The following ADAMTSL1 variants were observed in gnomAD, a reference collection of about 807,000 sequenced individuals.
ADAMTSL1 encodes ADAMTS-like protein 1.
Under a neutral mutation model 201.8 loss-of-function variants are expected in ADAMTSL1, and 126 were observed. The observed-to-expected ratio is 0.62, with a 90% confidence interval of 0.54 to 0.72. The LOEUF (loss-of-function observed/expected upper bound fraction) is 0.72, where lower values mean the gene tolerates loss of function less well. Among genes scored for constraint, ADAMTSL1 ranks in the 30% least tolerant of loss-of-function variants. ADAMTSL1 has a pLI of 0.00. For synonymous variants in ADAMTSL1, 1,121 were observed against 903.4 expected (o/e 1.24, Z -4.32); for missense variants, 2,679 against 2,277.8 (o/e 1.18, Z -3.59).
intron 1 of ADAMTSL1, among the ~76,000 whole-genome samples, chr9:18,479,164 A>G (rs1821604167): frequency 6.6e-6 from 1 of 152,210 alleles, no homozygotes; most frequent in Non-Finnish European, 1.5e-5. Context: ...GAACTTCAAG[A>G]TTAAAACCTA....
At chr9:18,491,757 G>A (rs1276544428) in intron 1 of ADAMTSL1, among the ~76,000 whole-genome samples, 1 of 152,116 alleles carries the variant, frequency 6.6e-6, no homozygotes, top group Non-Finnish European at 1.5e-5. Flanking sequence ...TATTTCTGTT[G>A]ACTGGAAGAT....
intron 2 of ADAMTSL1, among the ~76,000 whole-genome samples, chr9:18,178,178 G>A (rs373417155): frequency 5.8e-4 from 88 of 152,322 alleles, no homozygotes; most frequent in African/African-American, 1.1e-3. Flanking sequence ...CGCACTGTGC[G>A]CGAGCCGAAG....
intron 1 of ADAMTSL1, among the ~76,000 whole-genome samples, chr9:17,953,263 T>C (rs1406916595): frequency 6.6e-6 from 1 of 152,198 alleles, no homozygotes; most frequent in Non-Finnish European, 1.5e-5. Context: ...TTATGCCTGG[T>C]GGATAGGCTA....
intron 1 of ADAMTSL1, among the ~76,000 whole-genome samples, chr9:18,026,654 G>T (rs1820708835): frequency 6.6e-6 from 1 of 151,952 alleles, no homozygotes; most frequent in South Asian, 2.1e-4. Context: ...AGGTATATTG[G>T]CCTGAAGTTT....
chr9:18,288,942 T>C (rs1362723172), intron 2 of ADAMTSL1, among the ~76,000 whole-genome samples: 2 of 152,254 alleles, frequency 1.3e-5, no homozygotes, highest in East Asian at 3.8e-4. Context: ...GTGAGTTCCT[T>C]AGTCTTTCTA....
intron 21 of ADAMTSL1, among the ~76,000 whole-genome samples, chr9:18,818,204 A>G (rs1001235627): frequency 6.6e-6 from 1 of 152,232 alleles, no homozygotes; most frequent in African/African-American, 2.4e-5. Context: ...CCATTGGGCA[A>G]CTAGTCTTCT....
intron 10 of ADAMTSL1, among the ~76,000 whole-genome samples, chr9:18,679,946 C>T (rs1830358714): frequency 6.6e-6 from 1 of 152,136 alleles, no homozygotes; most frequent in Non-Finnish European, 1.5e-5. Context: ...GAGATGGATA[C>T]TTAATGAGTT....
In ADAMTSL1 at chr9:18,286,130, C is replaced by G. The variant is rs571234969; in HGVS notation, c.207+122149C>G. Among the ~76,000 whole-genome samples, 4 of 152,232 alleles carry G rather than the reference C, an allele frequency of 2.6e-5. No individual in the cohort carries two copies. In the East Asian group the frequency reaches 5.8e-4, roughly 22 times the overall value. On this transcript the variant is annotated intron_variant, in intron 2 of 29. Transcript: ENST00000680146. ...AAAGCATCATTTCTGTGTTGGAGGA[C>G]AGTACTCAAATCAACCTTGTGGGCC...
intron 13 of ADAMTSL1, among the ~76,000 whole-genome samples, chr9:18,692,034 GAAC>G (rs1363783317): frequency 6.6e-6 from 1 of 152,098 alleles, no homozygotes; most frequent in Non-Finnish European, 1.5e-5. Flanking sequence ...ATTTGAGAGA[GAAC>G]AACAATATTT....
intron 1 of ADAMTSL1, among the ~76,000 whole-genome samples, chr9:17,925,951 A>G (rs1482099082): frequency 6.6e-6 from 1 of 152,116 alleles, no homozygotes; most frequent in Non-Finnish European, 1.5e-5. Context: ...CCCCAAGCGC[A>G]ATGTAGCAAT....
chr9:18,540,072 A>C (rs1465615454), intron 3 of ADAMTSL1, among the ~76,000 whole-genome samples: 2 of 152,202 alleles, frequency 1.3e-5, no homozygotes, highest in African/African-American at 4.8e-5. Flanking sequence ...TTAAAAGATG[A>C]AAGGGATTTT....
chr9:18,509,559 C>A (rs1051723841), intron 2 of ADAMTSL1, among the ~76,000 whole-genome samples: 2 of 152,174 alleles, frequency 1.3e-5, no homozygotes, highest in African/African-American at 4.8e-5. Context: ...CTGATCTAGA[C>A]TGGCTTCATC....
At chr9:18,698,360 T>A (rs1343849030) in intron 13 of ADAMTSL1, among the ~76,000 whole-genome samples, 1 of 152,128 alleles carries the variant, frequency 6.6e-6, no homozygotes, top group East Asian at 1.9e-4. Flanking sequence ...CTCGGCTCAC[T>A]GCAACCTCCA....
chr9:18,569,287 AG>A (rs1300075331), intron 3 of ADAMTSL1, among the ~76,000 whole-genome samples: 1 of 152,220 alleles, frequency 6.6e-6, no homozygotes, highest in Non-Finnish European at 1.5e-5. Flanking sequence ...AGCAAATAAA[AG>A]GTCAGCTTTT....
intron 2 of ADAMTSL1, among the ~76,000 whole-genome samples, chr9:18,226,633 C>T (rs753006698): frequency 1.3e-5 from 2 of 152,138 alleles, no homozygotes; most frequent in Non-Finnish European, 2.9e-5. Context: ...CACCTGCCCT[C>T]TCTTTACCTT....
intron 1 of ADAMTSL1, among the ~76,000 whole-genome samples, chr9:17,966,897 C>G (rs1817998451): frequency 6.6e-6 from 1 of 151,930 alleles, no homozygotes; most frequent in Non-Finnish European, 1.5e-5. Context: ...TTAGTAGTTA[C>G]CAAGATAATG....
chr9:18,745,546 T>C lies in ADAMTSL1; in HGVS notation c.2007-7752T>C, dbSNP rs531814324. ...TATTTCTACAGAAATTGATTCCTTT[T>C]AATGGAGAATGGTATTTAGAACCCA... On this transcript the variant is annotated intron_variant, in intron 15 of 28. Transcript: ENST00000380548. Among the ~76,000 whole-genome samples the C allele has an allele frequency of 2.6e-5, 4 of 152,306 alleles. No individual in the cohort carries two copies. In the South Asian group the frequency reaches 8.3e-4, roughly 32 times the overall value.
At chr9:18,120,021 TAAAAC>T (rs975614373) in intron 1 of ADAMTSL1, among the ~76,000 whole-genome samples, 3 of 152,200 alleles carry the variant, frequency 2.0e-5, no homozygotes, top group African/African-American at 7.2e-5. Context: ...TTTGCCAGCT[TAAAAC>T]AACGAATTTT....
In ADAMTSL1 at chr9:18,777,005, G is replaced by T; in HGVS notation, c.2776G>T (p.Val926Leu). 1 of 1,604,724 alleles carries T rather than the reference G, an allele frequency of 6.2e-7. No individual in the cohort carries two copies. Among genetic ancestry groups the T allele is most frequent in the Non-Finnish European group, 8.5e-7 (1 of 1,173,962 alleles). Reference protein sequence around the residue: ...QHLISSTHVTVAPFGYLKIHR... With the variant: ...QHLISSTHVTLAPFGYLKIHR... ...CCTCATCAGCTCGACGCACGTCACG[G>T]TGGCCCCCTTCGGCTATCTCAAGAT... The change falls in exon 19 of 29, where the codon GTG becomes TTG. Residue 926 changes from valine (V) to leucine (L), a missense_variant. Val to Leu is a conservative substitution (Grantham distance 32). Coordinates refer to ENST00000380548, the MANE Select transcript of ADAMTSL1 (RefSeq NM_001040272.6).
Sources: allele counts gnomAD v4.1 joint callset (sites outside exome capture counted in the v4.1 genomes callset), GRCh38; gene constraint gnomAD v4.1.1; transcripts MANE v1.5; gene names NCBI Gene and HGNC (gene_info 2026-07-23, HGNC 2026-07-21).